DGKG: variants seen among roughly 807,000 people sequenced by gnomAD.
DGKG encodes the protein diacylglycerol kinase gamma, also known as DAG kinase gamma.
Under a neutral mutation model 105.3 loss-of-function variants are expected in DGKG, and 78 were observed. That is an observed-to-expected ratio of 0.74 (90% CI 0.62 to 0.89). The LOEUF is 0.89. Ranked by LOEUF, DGKG falls within the 40% of genes least tolerant of loss-of-function variation. DGKG has a pLI of 0.00. For synonymous variants in DGKG, 346 were observed against 367.1 expected (o/e 0.94, Z 0.66); for missense variants, 958 against 1,020.1 (o/e 0.94, Z 0.83).
intron 20 of DGKG, among the ~76,000 whole-genome samples, chr3:186,218,364 C>T (rs1032655733): frequency 2.6e-5 from 4 of 151,706 alleles, no homozygotes; most frequent in South Asian, 2.1e-4. Context: ...ATTAGCTGGG[C>T]GTGGTGGTGC....
At chr3:186,326,333 A>C (rs1250560001) in intron 1 of DGKG, among the ~76,000 whole-genome samples, 2 of 151,792 alleles carry the variant, frequency 1.3e-5, no homozygotes, top group Non-Finnish European at 2.9e-5. Flanking sequence ...TGGGGGTTGG[A>C]TGTTGCAGCG....
intron 10 of DGKG, among the ~76,000 whole-genome samples, chr3:186,274,526 A>T (rs1386109367): frequency 7.7e-6 from 1 of 130,342 alleles, no homozygotes; most frequent in Non-Finnish European, 1.6e-5. Flanking sequence ...TCCTAATGCT[A>T]TCCCTCCCCC....
chr3:186,246,403 T>G (rs1161374601), intron 19 of DGKG, among the ~76,000 whole-genome samples: 2 of 152,252 alleles, frequency 1.3e-5, no homozygotes, highest in Non-Finnish European at 2.9e-5. Flanking sequence ...TATTTTATAC[T>G]TACAGCTCAC....
intron 1 of DGKG, among the ~76,000 whole-genome samples, chr3:186,359,771 T>C (rs1727141370): frequency 6.6e-6 from 1 of 152,150 alleles, no homozygotes; most frequent in African/African-American, 2.4e-5. Flanking sequence ...AATATGCCAG[T>C]ATATTAACAG....
At chr3:186,343,113 C>A (rs189783290) in intron 1 of DGKG, among the ~76,000 whole-genome samples, 6 of 152,234 alleles carry the variant, frequency 3.9e-5, no homozygotes, top group African/African-American at 1.4e-4. Flanking sequence ...GGGAACTGGG[C>A]CAGTTCATTT....
At chr3:186,339,335 G>C (rs1560162860) in intron 1 of DGKG, among the ~76,000 whole-genome samples, 1 of 152,146 alleles carries the variant, frequency 6.6e-6, no homozygotes, top group Admixed American at 6.5e-5. Context: ...GGGCTGTGGA[G>C]CTCAGAGAAA....
intron 21 of DGKG, among the ~76,000 whole-genome samples, chr3:186,200,825 A>G (rs968787128): frequency 6.6e-6 from 1 of 152,244 alleles, no homozygotes; most frequent in African/African-American, 2.4e-5. Context: ...AGCCATGTAC[A>G]CACAACCTGC....
chr3:186,309,862 A>G (rs1053415999), intron 2 of DGKG, among the ~76,000 whole-genome samples: 3 of 152,216 alleles, frequency 2.0e-5, no homozygotes, highest in Non-Finnish European at 4.4e-5. Flanking sequence ...TGATATATAT[A>G]CACACATAAA....
intron 20 of DGKG, among the ~76,000 whole-genome samples, chr3:186,215,279 C>T (rs540192292): frequency 3.5e-4 from 53 of 151,964 alleles, no homozygotes; most frequent in East Asian, 5.8e-4. Context: ...GGTATGGTGG[C>T]GGGCACTGGT....
In DGKG at chr3:186,305,413, G is replaced by A. The variant is rs575601144; in HGVS notation, c.144+1488C>T. 3.9e-5 allele frequency among the ~76,000 whole-genome samples: 6 copies of A among 152,308 alleles called. No individual in the cohort carries two copies. In the East Asian group the frequency reaches 1.2e-3, roughly 29 times the overall value. On this transcript the variant is annotated intron_variant, in intron 3 of 24. Coordinates refer to ENST00000265022, the MANE Select transcript of DGKG (RefSeq NM_001346.3). ...CTGGCTTATTTGATAGCATCAAGAA[G>A]GCTAATATGCTGAAAAGGAATGAAG...
At chr3:186,218,502 G>GAAAAAAAAA (rs10692822) in intron 20 of DGKG, among the ~76,000 whole-genome samples, 2 of 70,376 alleles carry the variant, frequency 2.8e-5, no homozygotes, top group African/African-American at 6.1e-5. Context: ...GACTCCGTCT[G>GAAAAAAAAA]AAAAAAAAAA....
chr3:186,255,630 T>C (rs1289967866), intron 17 of DGKG, among the ~76,000 whole-genome samples: 1 of 152,092 alleles, frequency 6.6e-6, no homozygotes, highest in Non-Finnish European at 1.5e-5. Context: ...GAGGTAGAAA[T>C]AAGGCTGGAA....
intron 9 of DGKG, chr3:186,279,608 A>C: frequency 3.2e-6 from 1 of 311,990 alleles, no homozygotes; most frequent in East Asian, 6.2e-5. Context: ...ATGTGTCTGT[A>C]TTCCCTCACA....
At position 186,297,409 on chromosome 3, in the gene DGKG, C is replaced by T; in HGVS notation, c.373+12G>A. 1 of 1,603,492 alleles carries T rather than the reference C, an allele frequency of 6.2e-7. No homozygotes were observed. The highest frequency in any genetic ancestry group is 8.5e-7 in the Non-Finnish European group (1 of 1,170,300). On this transcript the variant is annotated intron_variant, in intron 5 of 24. Coordinates refer to ENST00000265022, the MANE Select transcript of DGKG (RefSeq NM_001346.3). Reference sequence around the variant, plus strand: ...CTACTTTTCCCACAAGTCTTATATTCCAAAGACTTACCAGTATCAGGGGCA... The same window carrying T: ...CTACTTTTCCCACAAGTCTTATATTTCAAAGACTTACCAGTATCAGGGGCA...
chr3:186,352,353 C>T (rs1486287657), intron 1 of DGKG, among the ~76,000 whole-genome samples: 1 of 152,070 alleles, frequency 6.6e-6, no homozygotes. Context: ...ACCTCCTTGA[C>T]ATGGATCTTT....
chr3:186,262,277 C>T (rs756455493), intron 14 of DGKG, among the ~76,000 whole-genome samples: 7 of 152,142 alleles, frequency 4.6e-5, no homozygotes, highest in Non-Finnish European at 7.4e-5. Context: ...GTCGACTGGA[C>T]GTCTCACCAT....
At chr3:186,264,781 AC>A (rs1177886405) in intron 14 of DGKG, among the ~76,000 whole-genome samples, 24 of 152,208 alleles carry the variant, frequency 1.6e-4, no homozygotes, top group African/African-American at 5.8e-4. Context: ...TGTGGAAGAC[AC>A]AAAAAATGTT....
At chr3:186,151,144 A>T (rs531606928) in intron 24 of DGKG, among the ~76,000 whole-genome samples, 3 of 152,326 alleles carry the variant, frequency 2.0e-5, no homozygotes, top group Admixed American at 2.0e-4. Flanking sequence ...GGAGGATAAC[A>T]TTTGTCTTAT....
intron 1 of DGKG, among the ~76,000 whole-genome samples, chr3:186,345,371 C>T (rs1726280308): frequency 1.3e-5 from 2 of 152,114 alleles, no homozygotes; most frequent in African/African-American, 2.4e-5. Context: ...ATTTAGCTTA[C>T]TTATGTTAAT....
Sources: allele counts gnomAD v4.1 joint callset (sites outside exome capture counted in the v4.1 genomes callset), GRCh38; gene constraint gnomAD v4.1.1; transcripts MANE v1.5; gene names NCBI Gene and HGNC (gene_info 2026-07-23, HGNC 2026-07-21).